BIRC6: variants seen among roughly 807,000 people sequenced by gnomAD.
BIRC6 encodes the protein baculoviral IAP repeat containing 6, also known as dual E2 ubiquitin-conjugating enzyme/E3 ubiquitin-protein ligase BIRC6.
A neutral mutation model predicts 503.3 loss-of-function variants in BIRC6; 98 were observed. That is an observed-to-expected ratio of 0.19 (90% CI 0.17 to 0.23). The LOEUF (loss-of-function observed/expected upper bound fraction) is 0.23. Ranked by LOEUF, BIRC6 falls within the 10% of genes least tolerant of loss-of-function variation. The probability of loss-of-function intolerance (pLI) is 1.00; values close to 1 mark genes in which losing one functional copy is unlikely to be tolerated. For synonymous variants in BIRC6, 2,240 were observed against 2,078.7 expected, an observed-to-expected ratio of 1.08 and a Z score of -2.11; for missense variants, 5,360 against 5,806.0, an observed-to-expected ratio of 0.92 and a Z score of 2.50.
chr2:32,428,733 A>G (rs2043793003), intron 10 of BIRC6, among the ~76,000 whole-genome samples: 2 of 152,200 alleles, frequency 1.3e-5, no homozygotes, highest in African/African-American at 2.4e-5. Context: ...TTAAAAAATA[A>G]GAGTATTTGT....
rs1009822320 is a variant in BIRC6, at chr2:32,618,230, T to A, written c.*326T>A. On this transcript the variant is annotated 3_prime_UTR_variant, in exon 74 of 74. Transcript: ENST00000421745. ...TTACTGAATGTTTATTTTATTTTAT[T>A]TTTTTTTTACTATAGAGTGAGGGGT... is the stretch of plus-strand genomic sequence containing the variant. 4 of 163,328 alleles carry A rather than the reference T, an allele frequency of 2.4e-5. No individual in the cohort carries two copies. Among genetic ancestry groups the A allele is most frequent in the Middle Eastern group, 2.9e-3 (1 of 350 alleles). The allele number at this position is 163,328 out of a possible 1,614,324, so 10.1% of individuals were successfully genotyped here. A position where few individuals can be genotyped will look rare whatever the true frequency, so the allele number is the denominator to read the frequency against.
In BIRC6 at chr2:32,430,893, C is replaced by T. The variant is rs1443761243; in HGVS notation, c.3051C>T (p.Phe1017=). 1.9e-6 allele frequency: 3 copies of T among 1,542,938 alleles called. No individual in the cohort carries two copies. The highest frequency in any genetic ancestry group is 2.5e-5 in the East Asian group (1 of 39,260). Residue 1017 remains phenylalanine, a synonymous_variant, in exon 12 of 74, where the codon TTC becomes TTT. Transcript: ENST00000421745. The part of the protein sequence containing the change: ...SGVDLLVDQP[F]TLEILTSLVE... The stretch of plus-strand genomic sequence containing the variant: ...TTGATTTATTGGTGGACCAGCCATT[C>T]ACCCTTGAAATCTTGACATCCCTAG...
chr2:32,561,058 C>T (rs1027884035), intron 65 of BIRC6, among the ~76,000 whole-genome samples: 1 of 151,172 alleles, frequency 6.6e-6, no homozygotes, highest in Non-Finnish European at 1.5e-5. Context: ...ATTAGCCGGG[C>T]GTGGTGGCAC....
rs187214779 is a variant in BIRC6, at chr2:32,439,071, A to G, written c.3632-437A>G. 7.2e-5 allele frequency among the ~76,000 whole-genome samples: 11 copies of G among 152,246 alleles called. No homozygotes were observed. In the South Asian group the frequency reaches 1.2e-3, roughly 17 times the overall value. ...TTTTAACCGTCAGTACTATAATGCT[A>G]TGTGTATATGTGCACATATATATGG... On this transcript the variant is annotated intron_variant, in intron 15 of 73. Transcript: ENST00000421745.
At chr2:32,502,989 G>A (rs1191167361) in intron 48 of BIRC6, 53 bp from the exon 49 acceptor site, 11 of 1,520,758 alleles carry the variant, frequency 7.2e-6, no homozygotes, top group African/African-American at 1.4e-5. Flanking sequence ...TACTTTTGAT[G>A]TTGAACCATC....
chr2:32,596,108 A>C (rs1469356411), intron 68 of BIRC6, among the ~76,000 whole-genome samples: 1 of 152,200 alleles, frequency 6.6e-6, no homozygotes, highest in African/African-American at 2.4e-5. Flanking sequence ...AGCAATTACC[A>C]AGGTTTTTTA....
At chr2:32,585,895 G>C (rs1048614078) in intron 66 of BIRC6, among the ~76,000 whole-genome samples, 2 of 152,100 alleles carry the variant, frequency 1.3e-5, no homozygotes, top group African/African-American at 4.8e-5. Context: ...TGATTTTTCT[G>C]CTCTATGTAG....
Position 32,406,398 on chromosome 2 carries a change from CAAAA to C in BIRC6, c.1419-97_1419-94del, listed in dbSNP as rs1329979737. The C allele has an allele frequency of 5.9e-6, 5 of 842,104 alleles. No individual in the cohort carries two copies. The East Asian group carries it at 1.3e-4, about 22-fold the overall frequency. The allele number at this position is 842,104 out of a possible 1,614,324, so 52.2% of individuals were successfully genotyped here. On this transcript the variant is annotated intron_variant, in intron 8 of 73. Coordinates refer to ENST00000421745, the MANE Select transcript of BIRC6 (RefSeq NM_016252.4). ...TGGATGACAGACTGAGACCCTGTCT[CAAAA>C]AAACCCACAAAACCAACTGTTCTTT...
Position 32,487,662 on chromosome 2 carries a change from C to G in BIRC6, c.7829C>G (p.Thr2610Ser). 6.2e-7 allele frequency: 1 copy of G among 1,613,548 alleles called. No homozygotes were observed. Among genetic ancestry groups the G allele is most frequent in the African/African-American group, 1.3e-5 (1 of 75,012 alleles). ...NTSPTLSQSP[T>S]GTDDSLLGGL... ...TAATTTTCAGTATCACAGTCTCCCA[C>G]TGGAACAGATGATTCACTTCTAGGG... Residue 2610 changes from threonine (T) to serine (S), a missense_variant, in exon 41 of 74, where the codon ACT becomes AGT. Thr to Ser is a moderately conservative substitution (Grantham distance 58, BLOSUM62 1). Transcript: ENST00000421745.
chr2:32,597,954 C>T lies in BIRC6; in HGVS notation c.13816C>T (p.Leu4606Phe). Reference protein sequence around the residue: ...SVFVRCDEERLDIMKVLITGP... With the variant: ...SVFVRCDEERFDIMKVLITGP... ...GTTTGTACGCTGTGATGAGGAGCGA[C>T]TTGATATCATGAAGGTAAAAAATAA... Residue 4606 changes from leucine (L) to phenylalanine (F), a missense_variant, in exon 69 of 74, where the codon CTT becomes TTT. This residue lies in a region of BIRC6 where 66 missense variants were observed against 113.2 expected (regional missense o/e 0.58). Coordinates refer to ENST00000421745, the MANE Select transcript of BIRC6 (RefSeq NM_016252.4). 1.2e-6 allele frequency: 2 copies of T among 1,611,604 alleles called. No individual in the cohort carries two copies. The highest frequency in any genetic ancestry group is 4.5e-5 in the East Asian group (2 of 44,862).
chr2:32,427,209 G>T (rs1029177549), intron 10 of BIRC6, among the ~76,000 whole-genome samples: 1 of 152,006 alleles, frequency 6.6e-6, no homozygotes, highest in Non-Finnish European at 1.5e-5. Context: ...CTTCTTCATG[G>T]AATTCCCATT....
At chr2:32,432,991 A>T (rs1009589975) in intron 12 of BIRC6, among the ~76,000 whole-genome samples, 3 of 152,148 alleles carry the variant, frequency 2.0e-5, no homozygotes, top group African/African-American at 7.2e-5. Context: ...TGATGGAGGT[A>T]GTGAAAAGAG....
In BIRC6 at chr2:32,476,090, T is replaced by G. The variant is rs568759932; in HGVS notation, c.6721-123T>G. 13 of 701,358 alleles carry G rather than the reference T, an allele frequency of 1.9e-5. No individual in the cohort carries two copies. In the South Asian group the frequency reaches 3.0e-4, roughly 16 times the overall value. 43.4% of individuals were successfully genotyped at this position (701,358 alleles called of 1,614,324 possible). ...AAAAAATTATCATCACAGTTAAAAT[T>G]ATACTACATCTTTCAAGATAATGTG... On this transcript the variant is annotated intron_variant, in intron 33 of 73. Coordinates refer to ENST00000421745, the MANE Select transcript of BIRC6 (RefSeq NM_016252.4).
Position 32,611,519 on chromosome 2 carries a change from C to G in BIRC6, c.14331C>G (p.Ile4777Met), listed in dbSNP as rs771829885. 1 of 1,610,348 alleles carries G rather than the reference C, an allele frequency of 6.2e-7. No homozygotes were observed. The highest frequency in any genetic ancestry group is 8.5e-7 in the Non-Finnish European group (1 of 1,177,754). Residue 4777 changes from isoleucine to methionine, a missense_variant, in exon 73 of 74, where the codon ATC becomes ATG. Ile to Met is a conservative substitution (Grantham distance 10). Transcript: ENST00000421745. Reference sequence around the variant, plus strand: ...AATGTGAGGAGTGGATTGCGGATATCCAGCAGTACAGCAGTGATAAGCGGG... The same window carrying G: ...AATGTGAGGAGTGGATTGCGGATATGCAGCAGTACAGCAGTGATAAGCGGG... ...MAQCEEWIADIQQYSSDKRVG... is the reference protein window; with the variant it reads ...MAQCEEWIADMQQYSSDKRVG...
At chr2:32,479,756 T>G (rs1314804250) in intron 37 of BIRC6, 139 bp downstream of exon 37, 1 of 698,352 alleles carries the variant, frequency 1.4e-6, no homozygotes, top group Admixed American at 3.0e-5. Context: ...TCCATTATTT[T>G]CCTGGTAAAT....
intron 69 of BIRC6, among the ~76,000 whole-genome samples, chr2:32,599,276 C>T (rs1205240064): frequency 6.6e-6 from 1 of 150,522 alleles, no homozygotes; most frequent in East Asian, 1.9e-4. Context: ...TTGCAATGAG[C>T]CGAGATCACA....
intron 10 of BIRC6, among the ~76,000 whole-genome samples, chr2:32,418,847 C>G (rs2042647282): frequency 6.6e-6 from 1 of 152,128 alleles, no homozygotes; most frequent in African/African-American, 2.4e-5. Flanking sequence ...ACTTGGGAGG[C>G]TGAGACAGGA....
At chr2:32,425,143 A>G (rs1289077892) in intron 10 of BIRC6, among the ~76,000 whole-genome samples, 1 of 151,400 alleles carries the variant, frequency 6.6e-6, no homozygotes, top group Non-Finnish European at 1.5e-5. Context: ...TTAGAAATTC[A>G]GGATTCATAT....
chr2:32,586,980 A>G (rs1205157675), intron 66 of BIRC6, among the ~76,000 whole-genome samples: 2 of 152,254 alleles, frequency 1.3e-5, no homozygotes, highest in Admixed American at 1.3e-4. Flanking sequence ...CAAAACATTT[A>G]TCTGCTAAAT....
Sources: gnomAD v4.1 joint callset for allele counts (sites outside exome capture counted in the v4.1 genomes callset) on GRCh38, gnomAD v4.1.1 for gene constraint, gnomAD v4.1.1 regional missense constraint, MANE v1.5 for transcripts, NCBI Gene and HGNC (gene_info 2026-07-23, HGNC 2026-07-21) for gene names.